Variants in DOCK5 observed in about 807,000 individuals in gnomAD.
DOCK5 encodes dedicator of cytokinesis 5.
Under a neutral mutation model 251.8 loss-of-function variants are expected in DOCK5, and 142 were observed. The observed-to-expected ratio is 0.56, with a 90% CI of 0.49 to 0.65. DOCK5 has a LOEUF of 0.65. DOCK5 is among the 30% of genes least tolerant of loss of function. The pLI, the probability that DOCK5 is intolerant of heterozygous loss-of-function variation, is 0.00. For missense variants in DOCK5, 2,111 were observed against 2,312.3 expected (o/e 0.91, Z 1.79); for synonymous variants, 842 against 835.5 (o/e 1.01, Z -0.13).
At chr8:25,378,243 A>T (rs997281117) in intron 38 of DOCK5, among the ~76,000 whole-genome samples, 1 of 152,170 alleles carries the variant, frequency 6.6e-6, no homozygotes, top group Non-Finnish European at 1.5e-5. Flanking sequence ...TCATTAGCAT[A>T]GATTTGGGTA....
At chr8:25,404,795 T>C (rs891311100) in intron 48 of DOCK5, among the ~76,000 whole-genome samples, 1 of 152,140 alleles carries the variant, frequency 6.6e-6, no homozygotes, top group African/African-American at 2.4e-5. Context: ...AAATTATTCC[T>C]AAACCGACTT....
chr8:25,224,145 G>T (rs1350603872), intron 1 of DOCK5, among the ~76,000 whole-genome samples: 1 of 152,100 alleles, frequency 6.6e-6, no homozygotes, highest in Non-Finnish European at 1.5e-5. Context: ...CTGAGACAGA[G>T]TCTTGCTCTC....
In DOCK5 at chr8:25,275,382, G is replaced by T. The variant is rs1266722621; in HGVS notation, c.169-4G>T. 2 of 1,604,336 alleles carry T rather than the reference G, an allele frequency of 1.2e-6. No homozygotes were observed. Among genetic ancestry groups the T allele is most frequent in the Admixed American group, 3.5e-5 (2 of 56,804 alleles). ...CCATATAACCAAAATTCTTTTCTCT[G>T]TAGGGCATTTTCCCTGAAACATATA... On this transcript the variant is annotated splice_polypyrimidine_tract_variant and splice_region_variant and intron_variant, in intron 3 of 51. Coordinates refer to ENST00000276440, the MANE Select transcript of DOCK5 (RefSeq NM_024940.8).
At chr8:25,403,449 A>T (rs1801471275) in intron 47 of DOCK5, 109 bp from the exon 48 acceptor site, 2 of 1,180,708 alleles carry the variant, frequency 1.7e-6, no homozygotes, top group Non-Finnish European at 2.4e-6. Flanking sequence ...CCAGCCACAT[A>T]ACCAGTACAG....
intron 2 of DOCK5, among the ~76,000 whole-genome samples, chr8:25,244,810 C>T (rs1238030530): frequency 6.6e-6 from 1 of 152,204 alleles, no homozygotes; most frequent in East Asian, 1.9e-4. Context: ...TAGTTTTTGG[C>T]AGAGGGCTGG....
rs1454684486 is a variant in DOCK5, at chr8:25,304,376, A to G, written c.1049+49A>G. On this transcript the variant is annotated intron_variant, in intron 11 of 51. Coordinates refer to ENST00000276440, the MANE Select transcript of DOCK5 (RefSeq NM_024940.8). ...AGGTGACTTGAGACCTGGATTAGCC[A>G]TTCAATTGTCTTTTAACACAGAAAC... 3 of 1,497,548 alleles carry G rather than the reference A, an allele frequency of 2.0e-6. No homozygotes were observed. The African/African-American group carries it at 4.2e-5, about 21-fold the overall frequency. 92.8% of individuals were successfully genotyped at this position (1,497,548 alleles called of 1,614,324 possible). A position where few individuals can be genotyped will look rare whatever the true frequency, so the allele number is the denominator to read the frequency against.
intron 13 of DOCK5, among the ~76,000 whole-genome samples, chr8:25,314,259 G>A (rs1270086176): frequency 6.6e-6 from 1 of 151,522 alleles, no homozygotes; most frequent in Non-Finnish European, 1.5e-5. Context: ...CTACAAGCAT[G>A]AGCCACCACA....
chr8:25,318,617 T>G (rs1805333405), intron 14 of DOCK5, among the ~76,000 whole-genome samples: 1 of 123,180 alleles, frequency 8.1e-6, no homozygotes, highest in Admixed American at 8.9e-5. Context: ...TTTTTTTAAT[T>G]AAGACAAGAT....
At chr8:25,190,321 C>G (rs58450752) in intron 1 of DOCK5, among the ~76,000 whole-genome samples, 3 of 152,124 alleles carry the variant, frequency 2.0e-5, no homozygotes, top group Non-Finnish European at 2.9e-5. Flanking sequence ...TTTCAAAGTT[C>G]GTGATACTGC....
rs540276891 is a variant in DOCK5, at chr8:25,292,370, G to C, written c.470+198G>C. ...CCCTCCATGGCCAGGCTCTGTGTTG[G>C]ATCTCTGATCCCATGGAGGTGACAG... On this transcript the variant is annotated intron_variant, in intron 6 of 51. Coordinates refer to ENST00000276440, the MANE Select transcript of DOCK5 (RefSeq NM_024940.8). 4.1e-4 allele frequency among the ~76,000 whole-genome samples: 63 copies of C among 152,132 alleles called. 1 individual carries two copies. The highest frequency in any genetic ancestry group is 1.5e-3 in the African/African-American group (62 of 41,488).
intron 2 of DOCK5, among the ~76,000 whole-genome samples, chr8:25,260,035 C>A (rs927521729): frequency 3.9e-5 from 6 of 152,192 alleles, no homozygotes; most frequent in Admixed American, 6.5e-5. Context: ...GTGCTGTGCA[C>A]AGGGAGAGGT....
intron 2 of DOCK5, among the ~76,000 whole-genome samples, chr8:25,251,697 G>A (rs1414727572): frequency 1.3e-5 from 2 of 152,160 alleles, no homozygotes; most frequent in African/African-American, 2.4e-5. Context: ...ATATAAAAAA[G>A]AAGAGAGTGG....
Position 25,184,829 on chromosome 8 carries a change from GGA to G in DOCK5, c.-78_-77del. 8.1e-7 allele frequency: 1 copy of G among 1,227,014 alleles called. No individual in the cohort carries two copies. Among genetic ancestry groups the G allele is most frequent in the Non-Finnish European group, 1.0e-6 (1 of 966,016 alleles). The allele number at this position is 1,227,014 out of a possible 1,614,324, so 76.0% of individuals were successfully genotyped here. A position where few individuals can be genotyped will look rare whatever the true frequency, so the allele number is the denominator to read the frequency against. On this transcript the variant is annotated 5_prime_UTR_variant, in exon 1 of 52. It removes the in-frame stop codon of an upstream open reading frame in the 5' UTR. Transcript: ENST00000276440. ...ATGGCGGAAGCGTCTGGGGCACGCA[GGA>G]GCGCGGGGCGGCGGCGGCCGGAGCC...
At chr8:25,331,361 G>A (rs1324759355) in intron 18 of DOCK5, among the ~76,000 whole-genome samples, 2 of 151,848 alleles carry the variant, frequency 1.3e-5, no homozygotes, top group Non-Finnish European at 2.9e-5. Flanking sequence ...TCCTGTCTTG[G>A]CTTCCTAAAG....
intron 26 of DOCK5, among the ~76,000 whole-genome samples, chr8:25,349,349 G>A (rs35763917): frequency 0.2 from 30,301 of 152,066 alleles, 3,054 homozygotes; most frequent in South Asian, 0.27. Context: ...TTATTAGTAT[G>A]ACAACTATGA....
intron 5 of DOCK5, among the ~76,000 whole-genome samples, chr8:25,280,294 ATT>A (rs1804157005): frequency 6.6e-6 from 1 of 152,068 alleles, no homozygotes. Context: ...GTTTGTCTCA[ATT>A]TTTGTTCAGT....
At chr8:25,192,414 A>G (rs188431058) in intron 1 of DOCK5, among the ~76,000 whole-genome samples, 126 of 152,280 alleles carry the variant, frequency 8.3e-4, no homozygotes, top group Middle Eastern at 3.4e-3. Flanking sequence ...CCCAAGTTCC[A>G]CTTGTTCATC....
intron 1 of DOCK5, among the ~76,000 whole-genome samples, chr8:25,239,848 G>T (rs991445256): frequency 1.3e-5 from 2 of 152,252 alleles, no homozygotes; most frequent in Middle Eastern, 3.4e-3. Flanking sequence ...AACATACTTT[G>T]TCCAGGCTTC....
intron 45 of DOCK5, among the ~76,000 whole-genome samples, chr8:25,399,492 ACCTC>A (rs1801401123): frequency 6.6e-6 from 1 of 152,000 alleles, no homozygotes. Context: ...AAAAACTGTC[ACCTC>A]CATCTTCTGT....
Sources: allele counts gnomAD v4.1 joint callset (sites outside exome capture counted in the v4.1 genomes callset), GRCh38; gene constraint gnomAD v4.1.1; transcripts MANE v1.5; gene names NCBI Gene and HGNC (gene_info 2026-07-23, HGNC 2026-07-21).